Variants in SASH1 observed in about 807,000 individuals in gnomAD.
SASH1 encodes the protein SAM and SH3 domain containing 1.
A neutral mutation model predicts 125.2 loss-of-function variants in SASH1; 44 were observed. The observed-to-expected ratio is 0.35, with a 90% confidence interval of 0.28 to 0.45. The LOEUF is 0.45. SASH1 is among the 20% of genes least tolerant of loss of function. SASH1 has a pLI of 1.00. For synonymous variants in SASH1, 639 were observed against 649.1 expected (o/e 0.98, Z 0.24); for missense variants, 1,426 against 1,614.5 (o/e 0.88, Z 2.00).
intron 2 of SASH1, among the ~76,000 whole-genome samples, chr6:148,399,214 C>CTT (rs371374910): frequency 2.2e-4 from 24 of 106,672 alleles, no homozygotes; most frequent in Admixed American, 4.9e-4. Flanking sequence ...ATTTCAGCTT[C>CTT]TTTTTTTTTT....
intron 1 of SASH1, among the ~76,000 whole-genome samples, chr6:148,272,839 T>G (rs1779095518): frequency 1.3e-5 from 2 of 152,202 alleles, no homozygotes; most frequent in Admixed American, 6.5e-5. Flanking sequence ...AACCATTTAG[T>G]ATCTCATATT....
Position 148,467,079 on chromosome 6 carries a change from TC to T in SASH1, c.387-1463del, listed in dbSNP as rs1324614130. 4.2e-5 allele frequency among the ~76,000 whole-genome samples: 6 copies of T among 141,258 alleles called. No individual in the cohort carries two copies. The Admixed American group carries it at 4.4e-4, about 10-fold the overall frequency. The allele number at this position is 141,258 out of a possible 152,430, so 92.7% of individuals were successfully genotyped here. A position where few individuals can be genotyped will look rare whatever the true frequency, so the allele number is the denominator to read the frequency against. On this transcript the variant is annotated intron_variant, in intron 4 of 19. Transcript: ENST00000367467. ...AAGATTTTGCTCCACACTCTACTGT[TC>T]CCTGTTCCTTTTTTTTTTTTTTTTT...
chr6:148,419,585 G>T (rs894357601), intron 2 of SASH1, among the ~76,000 whole-genome samples: 1 of 152,154 alleles, frequency 6.6e-6, no homozygotes, highest in Non-Finnish European at 1.5e-5. Flanking sequence ...CCGCCCTCCT[G>T]TCCTGTTTCT....
At chr6:148,259,822 T>G in the SASH1 span, among the ~76,000 whole-genome samples, 6 of 152,196 alleles carry the variant, frequency 3.9e-5, no homozygotes, top group African/African-American at 1.4e-4. Context: ...TTTTTAAAAC[T>G]AAGGTGATTT....
intron 8 of SASH1, among the ~76,000 whole-genome samples, chr6:148,489,777 TATAAAA>T (rs1779021403): frequency 6.6e-6 from 1 of 151,994 alleles, no homozygotes; most frequent in Non-Finnish European, 1.5e-5. Flanking sequence ...ATTGCTAGTG[TATAAAA>T]ATGCAGTGGA....
intron 1 of SASH1, among the ~76,000 whole-genome samples, chr6:148,351,480 ATGTGTC>A (rs1479143105): frequency 6.6e-6 from 1 of 151,960 alleles, no homozygotes; most frequent in Non-Finnish European, 1.5e-5. Flanking sequence ...GGAAGTTTCC[ATGTGTC>A]CACCCATCAC....
chr6:148,522,784 C>A (rs1393538886), intron 10 of SASH1, among the ~76,000 whole-genome samples: 1 of 152,188 alleles, frequency 6.6e-6, no homozygotes, highest in Admixed American at 6.5e-5. Context: ...TTATTTAGGT[C>A]ATCAACGTCA....
chr6:148,275,874 A>C (rs1779170192), intron 1 of SASH1, among the ~76,000 whole-genome samples: 1 of 152,154 alleles, frequency 6.6e-6, no homozygotes, highest in Non-Finnish European at 1.5e-5. Flanking sequence ...GGCATGCATG[A>C]TCACACCCAG....
chr6:148,484,032 G>A (rs1462480336), intron 7 of SASH1, among the ~76,000 whole-genome samples: 4 of 152,060 alleles, frequency 2.6e-5, no homozygotes, highest in Admixed American at 1.3e-4. Flanking sequence ...TATTTCGGAT[G>A]TCCTGGAGAA....
At chr6:148,342,504 A>C (rs1349701655), upstream of SASH1, 1 of 152,128 alleles carries the variant, frequency 6.6e-6, no homozygotes, top group African/African-American at 2.4e-5. Context: ...GCTCATTTCC[A>C]TGCAAAGAGC....
chr6:148,205,242 A>T, the SASH1 span, among the ~76,000 whole-genome samples: 1 of 152,104 alleles, frequency 6.6e-6, no homozygotes, highest in African/African-American at 2.4e-5. Flanking sequence ...CCTGGCCTTT[A>T]ACCACTCTCC....
chr6:148,297,745 G>A (rs944543539), intron 1 of SASH1, among the ~76,000 whole-genome samples: 1 of 150,960 alleles, frequency 6.6e-6, no homozygotes, highest in Non-Finnish European at 1.5e-5. Context: ...CAGGAGAATT[G>A]CTTGAACCTG....
rs372967627 is a variant in SASH1, at chr6:148,546,249, A to G, written c.3480+103A>G. The G allele has an allele frequency of 5.8e-6, 8 of 1,368,814 alleles. No individual in the cohort carries two copies. The African/African-American group carries it at 8.7e-5, about 15-fold the overall frequency. The allele number at this position is 1,368,814 out of a possible 1,614,324, so 84.8% of individuals were successfully genotyped here. On this transcript the variant is annotated intron_variant, in intron 19 of 19. Coordinates refer to ENST00000367467, the MANE Select transcript of SASH1 (RefSeq NM_015278.5). ...CAAGTAGGCAAGGGCTTGCGTAGCT[A>G]TGGAAAGGAGACAGCTGGGGAGAAA...
intron 16 of SASH1, among the ~76,000 whole-genome samples, chr6:148,537,188 A>G (rs544519572): frequency 2.6e-5 from 4 of 152,302 alleles, no homozygotes; most frequent in African/African-American, 9.6e-5. Flanking sequence ...ATATGTAGGG[A>G]TCTTGAAAGG....
intron 4 of SASH1, 79 bp from the exon 5 acceptor site, chr6:148,468,466 G>C: frequency 9.3e-7 from 1 of 1,080,738 alleles, no homozygotes; most frequent in South Asian, 1.3e-5. Context: ...TTGATGCTGG[G>C]TCAAACTAGT....
At position 148,463,793 on chromosome 6, in the gene SASH1, C is replaced by G. The variant is rs1407956881; in HGVS notation, c.387-4752C>G. Among the ~76,000 whole-genome samples the G allele has an allele frequency of 3.9e-5, 6 of 152,176 alleles. No homozygotes were observed. In the East Asian group the frequency reaches 1.2e-3, roughly 29 times the overall value. On this transcript the variant is annotated intron_variant, in intron 4 of 19. Transcript: ENST00000367467. ...ACCTCTTGTTCCCTCCCCTGCTGTT[C>G]CCCTGCCCAGCTTTCCCCATCTGGG...
intron 16 of SASH1, among the ~76,000 whole-genome samples, chr6:148,535,566 G>T (rs999452077): frequency 5.3e-5 from 8 of 152,206 alleles, no homozygotes; most frequent in African/African-American, 1.7e-4. Flanking sequence ...ATTCCGTATC[G>T]ATTGGCTTGC....
chr6:148,506,549 C>A (rs201170986), intron 8 of SASH1, among the ~76,000 whole-genome samples: 1 of 152,076 alleles, frequency 6.6e-6, no homozygotes, highest in African/African-American at 2.4e-5. Context: ...ATTTCAGGTA[C>A]GCAGTATTTA....
At chr6:148,312,573 A>C (rs1387502950) in intron 1 of SASH1, among the ~76,000 whole-genome samples, 1 of 152,240 alleles carries the variant, frequency 6.6e-6, no homozygotes, top group Non-Finnish European at 1.5e-5. Context: ...TCTGGCACTT[A>C]AAGCTGAGTG....
Sources: allele counts gnomAD v4.1 joint callset (sites outside exome capture counted in the v4.1 genomes callset), GRCh38; gene constraint gnomAD v4.1.1; transcripts MANE v1.5; gene names NCBI Gene and HGNC (gene_info 2026-07-23, HGNC 2026-07-21).